LRFN5: variants seen among roughly 807,000 people sequenced by gnomAD.
The protein encoded by LRFN5 is leucine rich repeat and fibronectin type III domain containing 5, also known as leucine-rich repeat and fibronectin type-III domain-containing protein 5.
A neutral mutation model predicts 45.6 loss-of-function variants in LRFN5; 24 were observed. The ratio of observed to expected loss-of-function variants is 0.53; its 90% CI spans 0.38 to 0.74. The LOEUF is 0.74. Ranked by LOEUF, LRFN5 falls within the 30% of genes least tolerant of loss-of-function variation. LRFN5 has a pLI of 0.00. For synonymous variants in LRFN5, 340 were observed against 313.8 expected (o/e 1.08, Z -0.88); for missense variants, 776 against 861.5 (o/e 0.90, Z 1.24).
chr14:41,848,989 C>A (rs1341995344), intron 2 of LRFN5, among the ~76,000 whole-genome samples: 3 of 151,952 alleles, frequency 2.0e-5, no homozygotes, highest in African/African-American at 7.2e-5. Flanking sequence ...AGGTCCCTCT[C>A]AGCAATGTTA....
At chr14:41,762,099 C>T (rs887518341) in intron 1 of LRFN5, among the ~76,000 whole-genome samples, 35 of 143,452 alleles carry the variant, frequency 2.4e-4, no homozygotes, top group African/African-American at 8.8e-4. Context: ...CAATGAAAAG[C>T]AAGCACAACC....
At chr14:41,772,863 C>T (rs1886139884) in intron 2 of LRFN5, among the ~76,000 whole-genome samples, 1 of 152,156 alleles carries the variant, frequency 6.6e-6, no homozygotes, top group African/African-American at 2.4e-5. Context: ...GTTTTACCTA[C>T]AAAGAAAATT....
chr14:41,829,713 T>G (rs965058688), intron 2 of LRFN5, among the ~76,000 whole-genome samples: 2 of 137,904 alleles, frequency 1.5e-5, no homozygotes, highest in Non-Finnish European at 3.3e-5. Context: ...TGCTTACCTT[T>G]TTATTAATTA....
chr14:41,620,226 A>G (rs1218249518), intron 1 of LRFN5, among the ~76,000 whole-genome samples: 1 of 152,098 alleles, frequency 6.6e-6, no homozygotes, highest in Admixed American at 6.6e-5. Flanking sequence ...AAATAAAAGC[A>G]AACTTTCCTA....
chr14:41,804,482 C>G (rs1158553394), intron 2 of LRFN5, among the ~76,000 whole-genome samples: 1 of 152,028 alleles, frequency 6.6e-6, no homozygotes, highest in Non-Finnish European at 1.5e-5. Context: ...ATCTTGTGAC[C>G]TCCGGAATAA....
chr14:41,751,602 C>T (rs541772100), intron 1 of LRFN5, among the ~76,000 whole-genome samples: 2 of 151,956 alleles, frequency 1.3e-5, no homozygotes, highest in South Asian at 2.1e-4. Context: ...GAAGTCTCTC[C>T]AAGCAGATGC....
At chr14:41,895,103 C>T (rs913922310) in intron 4 of LRFN5, 39 of 964,836 alleles carry the variant, frequency 4.0e-5, no homozygotes, top group Non-Finnish European at 4.6e-5. Flanking sequence ...ACGATGTTTA[C>T]TTCAAACTTT....
chr14:41,883,055 G>C (rs1184717830), intron 2 of LRFN5, among the ~76,000 whole-genome samples: 1 of 151,792 alleles, frequency 6.6e-6, no homozygotes, highest in Admixed American at 6.6e-5. Flanking sequence ...CACCGTATTG[G>C]CCAGGATGGT....
intron 2 of LRFN5, among the ~76,000 whole-genome samples, chr14:41,801,822 A>G (rs1259545434): frequency 6.6e-6 from 1 of 152,144 alleles, no homozygotes; most frequent in Admixed American, 6.6e-5. Context: ...AGCATGTTTC[A>G]CCGGGTGGGA....
chr14:41,738,696 A>G (rs1461589587), intron 1 of LRFN5, among the ~76,000 whole-genome samples: 1 of 152,198 alleles, frequency 6.6e-6, no homozygotes, highest in African/African-American at 2.4e-5. Context: ...GATAGCTTTC[A>G]GAGTCCAGAT....
chr14:41,801,057 T>C (rs559447915), intron 2 of LRFN5, among the ~76,000 whole-genome samples: 12 of 152,226 alleles, frequency 7.9e-5, no homozygotes, highest in African/African-American at 2.2e-4. Flanking sequence ...TATCTAACAA[T>C]ATCAGAGTTT....
rs140332989 is a variant in LRFN5, at chr14:41,650,606, T to G, written c.-197+42044T>G. Among the ~76,000 whole-genome samples the G allele has an allele frequency of 9.1e-3, 1,384 of 152,278 alleles. 6 individuals carry two copies. Among genetic ancestry groups the G allele is most frequent in the East Asian group, 0.014 (75 of 5,184 alleles). On this transcript the variant is annotated intron_variant, in intron 1 of 5. Coordinates refer to ENST00000298119, the MANE Select transcript of LRFN5 (RefSeq NM_152447.5). ...ACTTAAATATTAGTAAGGCTTTAAT[T>G]CAGAAAATCCACATTGAATAATCTC... is the stretch of plus-strand genomic sequence containing the variant.
In LRFN5 at chr14:41,691,241, T is replaced by A. The variant is rs77210784; in HGVS notation, c.-196-75613T>A. Among the ~76,000 whole-genome samples, 1,493 of 152,258 alleles carry A rather than the reference T, an allele frequency of 9.8e-3. 7 individuals carry two copies. Among genetic ancestry groups the A allele is most frequent in the East Asian group, 0.02 (104 of 5,190 alleles). ...AAAATCATTTTTCTGTTCTGACATG[T>A]GCTTTTAAGCTACAAACTTCCTCAT... On this transcript the variant is annotated intron_variant, in intron 1 of 5. Coordinates refer to ENST00000298119, the MANE Select transcript of LRFN5 (RefSeq NM_152447.5).
chr14:41,821,355 T>C (rs1319741274), intron 2 of LRFN5, among the ~76,000 whole-genome samples: 1 of 152,008 alleles, frequency 6.6e-6, no homozygotes, highest in African/African-American at 2.4e-5. Flanking sequence ...GAAGGAGTGC[T>C]AAATCTAACT....
intron 1 of LRFN5, among the ~76,000 whole-genome samples, chr14:41,766,531 G>A (rs965458138): frequency 6.6e-6 from 1 of 151,392 alleles, no homozygotes; most frequent in Non-Finnish European, 1.5e-5. Flanking sequence ...CTTATGCACT[G>A]TTTTAACATT....
intron 3 of LRFN5, among the ~76,000 whole-genome samples, chr14:41,890,259 G>A (rs1890729942): frequency 6.6e-6 from 1 of 152,094 alleles, no homozygotes; most frequent in Non-Finnish European, 1.5e-5. Context: ...AGCATACAAC[G>A]GGATGAGGGA....
At position 41,671,617 on chromosome 14, in the gene LRFN5, G is replaced by GTTTT. The variant is rs914212982; in HGVS notation, c.-197+63072_-197+63075dup. 9.2e-3 allele frequency among the ~76,000 whole-genome samples: 719 copies of GTTTT among 77,972 alleles called. 94 individuals are homozygous for GTTTT. Among genetic ancestry groups the GTTTT allele is most frequent in the African/African-American group, 0.036 (674 of 18,554 alleles). 51.2% of individuals were successfully genotyped at this position (77,972 alleles called of 152,430 possible). ...TGTGGAGGAGAGATTTTTTTTTTTC[G>GTTTT]TTTTTTTTTTTTTTTTTTTTACGGA... On this transcript the variant is annotated intron_variant, in intron 1 of 5. Coordinates refer to ENST00000298119, the MANE Select transcript of LRFN5 (RefSeq NM_152447.5).
At position 41,874,706 on chromosome 14, in the gene LRFN5, T is replaced by C. The variant is rs1340176569; in HGVS notation, c.-20-11900T>C. Among the ~76,000 whole-genome samples the C allele has an allele frequency of 3.3e-5, 5 of 152,174 alleles. No individual in the cohort carries two copies. In the East Asian group the frequency reaches 9.6e-4, roughly 29 times the overall value. On this transcript the variant is annotated intron_variant, in intron 2 of 5. Coordinates refer to ENST00000298119, the MANE Select transcript of LRFN5 (RefSeq NM_152447.5). The stretch of plus-strand genomic sequence containing the variant: ...TGGATAATCAAATTATTTATCTAAA[T>C]GAATATATTAGTCAATTCTCACACT...
intron 2 of LRFN5, among the ~76,000 whole-genome samples, chr14:41,844,424 A>G (rs948366188): frequency 2.2e-4 from 31 of 137,938 alleles, no homozygotes; most frequent in South Asian, 1.2e-3. Flanking sequence ...GTGACAGAGC[A>G]AGACTCCGTC....
Sources: allele counts gnomAD v4.1 joint callset (sites outside exome capture counted in the v4.1 genomes callset), GRCh38; gene constraint gnomAD v4.1.1; transcripts MANE v1.5; gene names NCBI Gene and HGNC (gene_info 2026-07-23, HGNC 2026-07-21).